PCDHGA7: variants seen among roughly 807,000 people sequenced by gnomAD.
The protein encoded by PCDHGA7 is protocadherin gamma subfamily A, 7.
In PCDHGA7, 44 loss-of-function variants were observed where a neutral mutation model predicts 58.3. The ratio of observed to expected loss-of-function variants is 0.75; its 90% CI spans 0.59 to 0.97. The LOEUF is 0.97. Ranked by LOEUF, PCDHGA7 falls within the 50% of genes least tolerant of loss-of-function variation. The probability of loss-of-function intolerance (pLI) is 0.00; values close to 1 mark genes in which losing one functional copy is unlikely to be tolerated. For synonymous variants in PCDHGA7, 516 were observed against 504.2 expected, an observed-to-expected ratio of 1.02 and a Z score of -0.31; for missense variants, 1,266 against 1,188.7, an observed-to-expected ratio of 1.06 and a Z score of -0.96.
At chr5:141,419,452 G>T (rs1590172506) in intron 1 of PCDHGA7, 1 of 1,612,754 alleles carries the variant, frequency 6.2e-7, no homozygotes, top group Non-Finnish European at 8.5e-7. Flanking sequence ...TCGAGCTCAC[G>T]CTGCAGGCCC....
chr5:141,433,397 A>ATCTATCTATCTG (rs2097600396), intron 1 of PCDHGA7, among the ~76,000 whole-genome samples: 2 of 150,410 alleles, frequency 1.3e-5, no homozygotes, highest in African/African-American at 2.5e-5. Flanking sequence ...CTATCTATCT[A>ATCTATCTATCTG]TCTATCTATT....
At chr5:141,395,004 A>T (rs2093147678) in intron 1 of PCDHGA7, 3 of 1,614,010 alleles carry the variant, frequency 1.9e-6, no homozygotes, top group Non-Finnish European at 2.5e-6. Context: ...TTCCGGTGGC[A>T]GATTGGTAGG....
intron 1 of PCDHGA7, chr5:141,390,879 T>C (rs965843602): frequency 1.3e-5 from 2 of 153,458 alleles, no homozygotes; most frequent in African/African-American, 4.8e-5. Flanking sequence ...TGTGTGTGTG[T>C]GTGTGTGTGA....
intron 1 of PCDHGA7, chr5:141,400,401 G>T (rs760681088): frequency 3.1e-6 from 5 of 1,613,936 alleles, no homozygotes; most frequent in Non-Finnish European, 4.2e-6. Context: ...CAGGAAAGAC[G>T]GAGTTTAATT....
rs200877911 is a variant in PCDHGA7 at position 141,477,977 on chromosome 5, A to G, written c.2425-16830A>G. ...ATCCCCTAACCAGAGCCTTTTTGCC[A>G]TAGGGCTGCACACTGGTCAAATCAG... On this transcript the variant is annotated intron_variant, in intron 1 of 3. Coordinates refer to ENST00000518325, the MANE Select transcript of PCDHGA7 (RefSeq NM_018920.4). The surrounding 1 kb of genome is among the most constrained non-coding windows in gnomAD (Gnocchi z 4.9). 5 of 1,614,092 alleles carry G rather than the reference A, an allele frequency of 3.1e-6. No individual in the cohort carries two copies. The East Asian group carries it at 6.7e-5, about 22-fold the overall frequency.
chr5:141,433,641 G>T (rs1177387884), intron 1 of PCDHGA7, among the ~76,000 whole-genome samples: 1 of 152,104 alleles, frequency 6.6e-6, no homozygotes, highest in Admixed American at 6.5e-5. Flanking sequence ...TTTGAGACCA[G>T]CCTGACCAAC....
chr5:141,460,278 G>C (rs1380767218), intron 1 of PCDHGA7, among the ~76,000 whole-genome samples: 1 of 151,964 alleles, frequency 6.6e-6, no homozygotes, highest in African/African-American at 2.4e-5. Context: ...TTCTTTTATA[G>C]TTTGTATTTC....
intron 1 of PCDHGA7, chr5:141,418,928 A>C: frequency 1.2e-6 from 2 of 1,613,978 alleles, no homozygotes; most frequent in Non-Finnish European, 1.7e-6. Flanking sequence ...TGATCAGATT[A>C]TGGAGGATTC....
chr5:141,399,797 G>C lies in PCDHGA7; in HGVS notation c.2424+14474G>C, dbSNP rs760211919. On this transcript the variant is annotated intron_variant, in intron 1 of 3. Coordinates refer to ENST00000518325, the MANE Select transcript of PCDHGA7 (RefSeq NM_018920.4). ...GGCGACCGAAACGACAACGCACCGC[G>C]GGTGCTGTACCCCGCGCTGGGTCCC... 4.3e-6 allele frequency: 7 copies of C among 1,613,192 alleles called. No homozygotes were observed. In the South Asian group the frequency reaches 7.7e-5, roughly 18 times the overall value.
intron 1 of PCDHGA7, chr5:141,400,051 G>A (rs1253013919): frequency 6.2e-7 from 1 of 1,613,762 alleles, no homozygotes; most frequent in East Asian, 2.2e-5. Flanking sequence ...GCTGGTTGCT[G>A]TGCGTGATGG....
intron 2 of PCDHGA7, among the ~76,000 whole-genome samples, chr5:141,497,539 C>A (rs2099777336): frequency 6.9e-6 from 1 of 145,274 alleles, no homozygotes; most frequent in African/African-American, 2.6e-5. Context: ...ATGCAACAAA[C>A]CTTTTTTTTT....
chr5:141,465,273 G>A (rs949271610), intron 1 of PCDHGA7, among the ~76,000 whole-genome samples: 1 of 152,068 alleles, frequency 6.6e-6, no homozygotes, highest in Non-Finnish European at 1.5e-5. Context: ...TAGCCATTTA[G>A]TTCACCCCTA....
At chr5:141,410,362 C>A (rs1270552318) in intron 1 of PCDHGA7, 13 of 1,613,954 alleles carry the variant, frequency 8.1e-6, no homozygotes, top group Non-Finnish European at 1.0e-5. Context: ...GCTCTCTCAG[C>A]CCTGCTACTT....
chr5:141,421,766 C>T, intron 1 of PCDHGA7: 2 of 1,613,868 alleles, frequency 1.2e-6, no homozygotes, highest in South Asian at 1.1e-5. Context: ...AATTACTTTT[C>T]CTTGCAACTG....
chr5:141,476,966 G>A lies in PCDHGA7; in HGVS notation c.2425-17841G>A. ...CAACGGTGAAATTATTTACTCCTTC[G>A]GCAGCCACAACCGCGCCGGCGTGCG... On this transcript the variant is annotated intron_variant, in intron 1 of 3. Transcript: ENST00000518325. This position sits in a 1 kb window ranked among gnomAD's most constrained non-coding sequence, Gnocchi z 7.6. 1 of 1,614,152 alleles carries A rather than the reference G, an allele frequency of 6.2e-7. No individual in the cohort carries two copies. The highest frequency in any genetic ancestry group is 8.5e-7 in the Non-Finnish European group (1 of 1,180,032).
At chr5:141,459,287 G>A (rs1362981410) in intron 1 of PCDHGA7, among the ~76,000 whole-genome samples, 1 of 152,136 alleles carries the variant, frequency 6.6e-6, no homozygotes, top group African/African-American at 2.4e-5. Context: ...TCATCTAAAT[G>A]GAATCCTATA....
At chr5:141,427,914 A>C in intron 1 of PCDHGA7, 1 of 1,576,800 alleles carries the variant, frequency 6.3e-7, no homozygotes, top group Non-Finnish European at 8.7e-7. Flanking sequence ...CAGCGCCAAC[A>C]TGAGCCGGCG....
intron 1 of PCDHGA7, among the ~76,000 whole-genome samples, chr5:141,463,762 T>C (rs113547206): frequency 2.0e-5 from 3 of 152,214 alleles, no homozygotes; most frequent in African/African-American, 4.8e-5. Flanking sequence ...TCTTCTCTTA[T>C]GGGTTAGAAT....
At chr5:141,470,983 C>G (rs1486663328) in intron 1 of PCDHGA7, among the ~76,000 whole-genome samples, 2 of 151,528 alleles carry the variant, frequency 1.3e-5, no homozygotes, top group African/African-American at 4.9e-5. Context: ...TCCCAAAGTG[C>G]TGGGACTACA....
Sources: allele counts gnomAD v4.1 joint callset (sites outside exome capture counted in the v4.1 genomes callset), GRCh38; gene constraint gnomAD v4.1.1; non-coding constraint Gnocchi (gnomAD v3.1); transcripts MANE v1.5; gene names NCBI Gene and HGNC (gene_info 2026-07-23, HGNC 2026-07-21).